Variants in AKAP19 observed in about 807,000 individuals in gnomAD.
AKAP19 encodes A-kinase anchoring protein 19.
the AKAP19 span, among the ~76,000 whole-genome samples, chr2:190,053,706 T>A: frequency 6.6e-6 from 1 of 152,212 alleles, no homozygotes; most frequent in African/African-American, 2.4e-5. Flanking sequence ...AGTACTCGTA[T>A]GTTTTATTTT....
At chr2:190,195,842 G>A in the AKAP19 span, among the ~76,000 whole-genome samples, 35,012 of 151,284 alleles carry the variant, frequency 0.23, 6,789 homozygotes, top group African/African-American at 0.53. Context: ...AAGGTTATCT[G>A]GATTGTCTCC....
the AKAP19 span, chr2:190,057,770 A>C: frequency 4.4e-6 from 4 of 900,294 alleles, no homozygotes; most frequent in East Asian, 1.0e-4. Context: ...TAAAAGGCAC[A>C]GCATTAAGGA....
At chr2:189,892,132 A>G in the AKAP19 span, among the ~76,000 whole-genome samples, 1 of 151,920 alleles carries the variant, frequency 6.6e-6, no homozygotes, top group Non-Finnish European at 1.5e-5. Flanking sequence ...AGCAATTCCT[A>G]TAACCTTTTT....
chr2:190,189,969 G>A, the AKAP19 span: 1 of 152,302 alleles, frequency 6.6e-6, no homozygotes, highest in Non-Finnish European at 1.5e-5. Flanking sequence ...CAGGGAGCTG[G>A]TCCGCTCTGG....
At chr2:190,086,066 G>T in the AKAP19 span, among the ~76,000 whole-genome samples, 1 of 152,280 alleles carries the variant, frequency 6.6e-6, no homozygotes, top group African/African-American at 2.4e-5. Context: ...ATTTGGGTAG[G>T]TTCTAATGAA....
At chr2:189,902,358 T>C in the AKAP19 span, among the ~76,000 whole-genome samples, 1 of 152,002 alleles carries the variant, frequency 6.6e-6, no homozygotes, top group African/African-American at 2.4e-5. Flanking sequence ...AACTTAGAAA[T>C]GTTTATTTTT....
the AKAP19 span, among the ~76,000 whole-genome samples, chr2:190,179,436 T>C: frequency 3.3e-5 from 5 of 151,940 alleles, no homozygotes; most frequent in African/African-American, 9.7e-5. The surrounding 1 kb of genome is among the most constrained non-coding windows in gnomAD (Gnocchi z 6.0). Flanking sequence ...ATGATACTTA[T>C]CAGAAAAATC....
chr2:190,128,217 T>A, the AKAP19 span, among the ~76,000 whole-genome samples: 1 of 152,210 alleles, frequency 6.6e-6, no homozygotes, highest in Non-Finnish European at 1.5e-5. Flanking sequence ...TAGAGAACAT[T>A]ATTTAATGGG....
chr2:189,937,093 C>T, the AKAP19 span, among the ~76,000 whole-genome samples: 6 of 152,116 alleles, frequency 3.9e-5, no homozygotes, highest in Non-Finnish European at 8.8e-5. Flanking sequence ...TATGATCATG[C>T]GACTGTACTC....
chr2:190,005,232 C>T, the AKAP19 span, among the ~76,000 whole-genome samples: 1 of 152,150 alleles, frequency 6.6e-6, no homozygotes, highest in Non-Finnish European at 1.5e-5. Flanking sequence ...GAGACCTGAC[C>T]AGGTTGCCGC....
the AKAP19 span, among the ~76,000 whole-genome samples, chr2:189,895,009 C>T: frequency 6.6e-6 from 1 of 150,784 alleles, no homozygotes; most frequent in African/African-American, 2.4e-5. Flanking sequence ...GAATTCTAGA[C>T]AATTGAAAGA....
At chr2:189,989,190 T>A in the AKAP19 span, among the ~76,000 whole-genome samples, 1 of 152,170 alleles carries the variant, frequency 6.6e-6, no homozygotes, top group Non-Finnish European at 1.5e-5. Context: ...TTATTAAGCA[T>A]GCATGAGAAC....
At chr2:189,967,101 T>C in the AKAP19 span, among the ~76,000 whole-genome samples, 30 of 152,328 alleles carry the variant, frequency 2.0e-4, no homozygotes, top group East Asian at 3.3e-3. Context: ...TTTCTTACCA[T>C]TATAATGCTT....
chr2:190,170,212 C>T, the AKAP19 span, among the ~76,000 whole-genome samples: 12 of 152,218 alleles, frequency 7.9e-5, no homozygotes, highest in Non-Finnish European at 1.3e-4. Context: ...GCTTCACCCT[C>T]GTGACCTAAT....
At chr2:190,192,019 C>T in the AKAP19 span, among the ~76,000 whole-genome samples, 1 of 151,686 alleles carries the variant, frequency 6.6e-6, no homozygotes, top group African/African-American at 2.4e-5. Flanking sequence ...TTTGGTATCA[C>T]ATCTAAGAAC....
At chr2:189,980,696 A>G in the AKAP19 span, among the ~76,000 whole-genome samples, 1 of 152,184 alleles carries the variant, frequency 6.6e-6, no homozygotes, top group Non-Finnish European at 1.5e-5. Context: ...TTGATTTTGT[A>G]TCCTGAAACT....
the AKAP19 span, among the ~76,000 whole-genome samples, chr2:189,922,440 G>C: frequency 6.6e-6 from 1 of 152,308 alleles, no homozygotes; most frequent in South Asian, 2.1e-4. Flanking sequence ...AACTAGACAT[G>C]GGTATAGAGA....
chr2:189,941,771 A>G, the AKAP19 span, among the ~76,000 whole-genome samples: 2 of 152,202 alleles, frequency 1.3e-5, no homozygotes, highest in Non-Finnish European at 2.9e-5. Flanking sequence ...GGAGTTACAA[A>G]TCAATGAGAA....
chr2:189,955,622 G>A, the AKAP19 span, among the ~76,000 whole-genome samples: 1 of 152,088 alleles, frequency 6.6e-6, no homozygotes, highest in Non-Finnish European at 1.5e-5. Context: ...CCTCACCAAT[G>A]TTTACTGTTT....
Sources: allele counts gnomAD v4.1 joint callset (sites outside exome capture counted in the v4.1 genomes callset), GRCh38; gene constraint gnomAD v4.1.1; non-coding constraint Gnocchi (gnomAD v3.1); transcripts MANE v1.5; gene names NCBI Gene and HGNC (gene_info 2026-07-23, HGNC 2026-07-21).